ASAP1: variants seen among roughly 807,000 people sequenced by gnomAD.
ASAP1 encodes arf-GAP with SH3 domain, ANK repeat and PH domain-containing protein 1.
Under a neutral mutation model 145.2 loss-of-function variants are expected in ASAP1, and 43 were observed. The observed-to-expected ratio is 0.30, with a 90% CI of 0.23 to 0.38. The LOEUF (loss-of-function observed/expected upper bound fraction) is 0.38. ASAP1 is among the 10% of genes least tolerant of loss of function. ASAP1 has a pLI of 1.00. For synonymous variants in ASAP1, 546 were observed against 515.5 expected (o/e 1.06, Z -0.80); for missense variants, 1,018 against 1,355.3 (o/e 0.75, Z 3.91).
At chr8:130,261,288 A>C (rs1406021479) in intron 3 of ASAP1, among the ~76,000 whole-genome samples, 3 of 152,240 alleles carry the variant, frequency 2.0e-5, no homozygotes, top group African/African-American at 4.8e-5. Context: ...CAAATGAATA[A>C]ATAATGTTCT....
intron 14 of ASAP1, 44 bp from the exon 15 acceptor site, chr8:130,134,388 G>C: frequency 7.5e-7 from 1 of 1,339,746 alleles, no homozygotes; most frequent in Non-Finnish European, 1.0e-6. Flanking sequence ...TTAGAAAGCA[G>C]GGTACTTTCA....
rs570491342 is a variant in ASAP1, at chr8:130,196,298, C to A, written c.406-8115G>T. ...TGGAGGATGCAGTGAGCTGAGATCA[C>A]GCCACTGTGCTCCAGCCTGGGTGAC... On this transcript the variant is annotated intron_variant, in intron 5 of 29. Transcript: ENST00000518721. 1.8e-4 allele frequency among the ~76,000 whole-genome samples: 27 copies of A among 151,560 alleles called. No homozygotes were observed. In the South Asian group the frequency reaches 5.6e-3, roughly 32 times the overall value.
At chr8:130,070,239 G>A (rs1451560586) in intron 27 of ASAP1, among the ~76,000 whole-genome samples, 3 of 152,088 alleles carry the variant, frequency 2.0e-5, no homozygotes, top group African/African-American at 7.2e-5. Context: ...GGGTTTCACC[G>A]TGTTAGCCAG....
intron 4 of ASAP1, among the ~76,000 whole-genome samples, chr8:130,226,629 T>C (rs1243580502): frequency 6.6e-6 from 1 of 152,152 alleles, no homozygotes; most frequent in Non-Finnish European, 1.5e-5. Context: ...GCCTCTGGGG[T>C]GTTATCTGGA....
In ASAP1 at chr8:130,218,848, CATAT is replaced by C. The variant is rs58256601; in HGVS notation, c.260-4151_260-4148del. On this transcript the variant is annotated intron_variant, in intron 4 of 29. Transcript: ENST00000518721. ...GCTGAATAACCATGTAGTCTCTTTC[CATAT>C]ATATATATATATGCATATGTATGTA... 2.7e-5 allele frequency among the ~76,000 whole-genome samples: 4 copies of C among 149,148 alleles called. No homozygotes were observed. In the South Asian group the frequency reaches 8.4e-4, roughly 31 times the overall value.
At chr8:130,397,030 C>A (rs1039430212) in intron 2 of ASAP1, among the ~76,000 whole-genome samples, 1 of 152,138 alleles carries the variant, frequency 6.6e-6, no homozygotes. Flanking sequence ...ATAAAGGAAA[C>A]GGGTCTTGTT....
In ASAP1 at chr8:130,059,088, AG is replaced by A. The variant is rs568075422; in HGVS notation, c.3193-1013del. 1.1e-3 allele frequency among the ~76,000 whole-genome samples: 173 copies of A among 152,316 alleles called. 1 individual carries two copies. The highest frequency in any genetic ancestry group is 3.8e-3 in the African/African-American group (157 of 41,578). On this transcript the variant is annotated intron_variant, in intron 28 of 29. Coordinates refer to ENST00000518721, the MANE Select transcript of ASAP1 (RefSeq NM_018482.4). ...AGAAGTATCCACCATCAGACACGGC[AG>A]CCTCCAACCTACAGGAAGATGGGTT... is the stretch of plus-strand genomic sequence containing the variant.
In ASAP1 at chr8:130,072,878, A is replaced by G. The variant is rs1314052051; in HGVS notation, c.2701+3470T>C. Among the ~76,000 whole-genome samples the G allele has an allele frequency of 2.1e-5, 3 of 141,852 alleles. No individual in the cohort carries two copies. In the Admixed American group the frequency reaches 2.2e-4, roughly 10 times the overall value. 93.1% of individuals were successfully genotyped at this position (141,852 alleles called of 152,430 possible). A position where few individuals can be genotyped will look rare whatever the true frequency, so the allele number is the denominator to read the frequency against. Reference sequence around the variant, plus strand: ...TGAGCTCTCACCCGGTGGGACTGGCACTATCTTCAGGTAGACAGTGTCGGA... The same window carrying G: ...TGAGCTCTCACCCGGTGGGACTGGCGCTATCTTCAGGTAGACAGTGTCGGA... On this transcript the variant is annotated intron_variant, in intron 27 of 29. Coordinates refer to ENST00000518721, the MANE Select transcript of ASAP1 (RefSeq NM_018482.4).
intron 4 of ASAP1, among the ~76,000 whole-genome samples, chr8:130,216,617 G>C (rs1181934733): frequency 6.6e-6 from 1 of 152,074 alleles, no homozygotes; most frequent in African/African-American, 2.4e-5. Flanking sequence ...AGGCCCCTCA[G>C]TCTTGGACCT....
chr8:130,134,228 T>C (rs1477477470), intron 15 of ASAP1, 68 bp downstream of exon 15: 8 of 1,210,950 alleles, frequency 6.6e-6, no homozygotes, highest in African/African-American at 3.1e-5. Context: ...AAAATGTTGA[T>C]GTGTATTGTA....
At chr8:130,213,366 G>C (rs1012835362) in intron 5 of ASAP1, among the ~76,000 whole-genome samples, 11 of 152,224 alleles carry the variant, frequency 7.2e-5, no homozygotes, top group African/African-American at 1.7e-4. Flanking sequence ...TATTGTGACA[G>C]AGAAAAAGAA....
intron 1 of ASAP1, among the ~76,000 whole-genome samples, chr8:130,429,863 G>A (rs1039614029): frequency 2.6e-5 from 4 of 152,204 alleles, no homozygotes; most frequent in African/African-American, 9.6e-5. Flanking sequence ...ATGTGGCCCT[G>A]CTTATGCAAA....
At chr8:130,136,859 G>T in intron 14 of ASAP1, 92 bp downstream of exon 14, 1 of 1,053,644 alleles carries the variant, frequency 9.5e-7, no homozygotes, top group East Asian at 2.4e-5. Context: ...ACTGTGAGGA[G>T]CCCTGCTTGG....
intron 1 of ASAP1, among the ~76,000 whole-genome samples, chr8:130,437,874 G>A (rs922630639): frequency 6.6e-6 from 1 of 152,148 alleles, no homozygotes; most frequent in Non-Finnish European, 1.5e-5. Context: ...TCCCAAACCA[G>A]GCTCCAACCA....
At chr8:130,314,375 C>T (rs191088308) in intron 3 of ASAP1, among the ~76,000 whole-genome samples, 46 of 152,336 alleles carry the variant, frequency 3.0e-4, no homozygotes, top group Admixed American at 4.6e-4. Context: ...TCCTTTTATA[C>T]AGCAGTTTAT....
At chr8:130,439,044 G>A (rs904097408) in intron 1 of ASAP1, among the ~76,000 whole-genome samples, 1 of 152,232 alleles carries the variant, frequency 6.6e-6, no homozygotes, top group Admixed American at 6.5e-5. Context: ...CTTAAAATAG[G>A]GAGAGTAGCC....
At position 130,182,516 on chromosome 8, in the gene ASAP1, C is replaced by T. The variant is rs546695462; in HGVS notation, c.531-1636G>A. Among the ~76,000 whole-genome samples the T allele has an allele frequency of 4.6e-5, 7 of 152,240 alleles. No individual in the cohort carries two copies. In the South Asian group the frequency reaches 1.5e-3, roughly 32 times the overall value. The stretch of plus-strand genomic sequence containing the variant: ...TCAGACACTGACATTTGGAAAACCC[C>T]TAATAAAAGAGCTGCCTTCACATCC... On this transcript the variant is annotated intron_variant, in intron 7 of 29. Coordinates refer to ENST00000518721, the MANE Select transcript of ASAP1 (RefSeq NM_018482.4).
At chr8:130,084,207 T>C (rs1327977014) in intron 25 of ASAP1, 2 of 152,260 alleles carry the variant, frequency 1.3e-5, no homozygotes, top group Non-Finnish European at 2.9e-5. Flanking sequence ...GCGGACCTTC[T>C]TACACCTGGC....
At chr8:130,281,706 T>C (rs1034249851) in intron 3 of ASAP1, among the ~76,000 whole-genome samples, 8 of 152,230 alleles carry the variant, frequency 5.3e-5, no homozygotes, top group African/African-American at 1.7e-4. Flanking sequence ...TGTGAACTCA[T>C]TTTCCTCTAA....
Sources: gnomAD v4.1 joint callset for allele counts (sites outside exome capture counted in the v4.1 genomes callset) on GRCh38, gnomAD v4.1.1 for gene constraint, MANE v1.5 for transcripts, NCBI Gene and HGNC (gene_info 2026-07-23, HGNC 2026-07-21) for gene names.